The following FARS2 variants were observed in gnomAD, a reference collection of about 807,000 sequenced individuals.
FARS2 encodes the protein phenylalanine--tRNA ligase, mitochondrial.
A neutral mutation model predicts 46.4 loss-of-function variants in FARS2; 40 were observed. That is an observed-to-expected ratio of 0.86 (90% CI 0.67 to 1.12). The LOEUF (loss-of-function observed/expected upper bound fraction) is 1.12. Among genes scored for constraint, FARS2 ranks in the 50% most tolerant of loss-of-function variants. The pLI, the probability that FARS2 is intolerant of heterozygous loss-of-function variation, is 0.00. For missense variants in FARS2, 513 were observed against 567.9 expected (o/e 0.90, Z 0.98); for synonymous variants, 234 against 214.9 (o/e 1.09, Z -0.78).
intron 5 of FARS2, among the ~76,000 whole-genome samples, chr6:5,557,012 A>AC (rs1771701949): frequency 2.6e-5 from 4 of 152,162 alleles, no homozygotes; most frequent in African/African-American, 9.7e-5. Flanking sequence ...TGTACATTTA[A>AC]TAGTTGGTGG....
chr6:5,534,823 G>GCACACA (rs1358767694), intron 4 of FARS2, among the ~76,000 whole-genome samples: 43 of 134,260 alleles, frequency 3.2e-4, no homozygotes, highest in African/African-American at 1.1e-3. Context: ...ACACACACAT[G>GCACACA]CACGCACACA....
At chr6:5,469,165 C>G (rs573949416) in intron 4 of FARS2, among the ~76,000 whole-genome samples, 7 of 152,336 alleles carry the variant, frequency 4.6e-5, no homozygotes, top group African/African-American at 1.7e-4. Context: ...TTCTTGGGAC[C>G]ACTTGGTGGC....
At chr6:5,261,223 C>G (rs995344379), upstream of FARS2, 2 of 153,280 alleles carry the variant, frequency 1.3e-5, no homozygotes, top group Non-Finnish European at 2.9e-5. Context: ...GCGCCCCTTC[C>G]TACATCCAGG....
chr6:5,531,026 G>C (rs1165531195), intron 4 of FARS2, among the ~76,000 whole-genome samples: 1 of 151,876 alleles, frequency 6.6e-6, no homozygotes, highest in Non-Finnish European at 1.5e-5. Flanking sequence ...TCACATGTTA[G>C]CTACTGCAGC....
At chr6:5,507,881 G>A (rs563687034) in intron 4 of FARS2, among the ~76,000 whole-genome samples, 102 of 152,324 alleles carry the variant, frequency 6.7e-4, no homozygotes, top group African/African-American at 2.3e-3. Context: ...AAAACCTGAC[G>A]ATCCAAATGG....
intron 6 of FARS2, among the ~76,000 whole-genome samples, chr6:5,658,881 AT>A (rs942115781): frequency 1.3e-5 from 2 of 152,226 alleles, no homozygotes; most frequent in African/African-American, 4.8e-5. Context: ...ATGTGCTCGT[AT>A]CCAATTTCAA....
intron 6 of FARS2, among the ~76,000 whole-genome samples, chr6:5,753,013 T>TA (rs904717241): frequency 2.0e-5 from 3 of 152,192 alleles, no homozygotes; most frequent in African/African-American, 7.2e-5. Flanking sequence ...TCCTGATTGT[T>TA]ACTGTAAGCG....
chr6:5,487,770 A>G (rs1362408452), intron 4 of FARS2, among the ~76,000 whole-genome samples: 1 of 152,194 alleles, frequency 6.6e-6, no homozygotes, highest in Admixed American at 6.5e-5. Context: ...AGACTGCTCC[A>G]AAGACCTTTG....
At chr6:5,540,372 G>T (rs927871523) in intron 4 of FARS2, among the ~76,000 whole-genome samples, 1 of 152,150 alleles carries the variant, frequency 6.6e-6, no homozygotes, top group Non-Finnish European at 1.5e-5. Context: ...CTGTGAAACT[G>T]GTATTCAGTG....
intron 4 of FARS2, among the ~76,000 whole-genome samples, chr6:5,492,849 TA>T (rs1561660397): frequency 6.6e-6 from 1 of 152,242 alleles, no homozygotes; most frequent in Non-Finnish European, 1.5e-5. Context: ...AGAGTGTATA[TA>T]GCCTTACACT....
rs1259678240 is a variant in FARS2, at chr6:5,765,016, C to A, written c.1218-6275C>A. On this transcript the variant is annotated intron_variant, in intron 6 of 6. Transcript: ENST00000274680. The surrounding 1 kb of genome is among the most constrained non-coding windows in gnomAD (Gnocchi z 4.0). ...AAAGAAAATAATCACTGGGGAGGGA[C>A]CCCTTTTAAACATTTATAGTTTTGA... Among the ~76,000 whole-genome samples, 3 of 152,200 alleles carry A rather than the reference C, an allele frequency of 2.0e-5. No individual in the cohort carries two copies. Among genetic ancestry groups the A allele is most frequent in the Non-Finnish European group, 4.4e-5 (3 of 68,038 alleles).
intron 1 of FARS2, among the ~76,000 whole-genome samples, chr6:5,287,974 G>A (rs982118611): frequency 6.6e-6 from 1 of 152,142 alleles, no homozygotes; most frequent in Non-Finnish European, 1.5e-5. Context: ...TATCTGTCAT[G>A]TTCTCCTGTA....
chr6:5,606,188 G>A (rs1335212189), intron 5 of FARS2, among the ~76,000 whole-genome samples: 1 of 151,870 alleles, frequency 6.6e-6, no homozygotes, highest in Non-Finnish European at 1.5e-5. Flanking sequence ...AGCGCTGTCA[G>A]AGTACTGAGC....
At chr6:5,398,360 A>C (rs1029116016) in intron 2 of FARS2, among the ~76,000 whole-genome samples, 1 of 152,122 alleles carries the variant, frequency 6.6e-6, no homozygotes, top group African/African-American at 2.4e-5. Flanking sequence ...CTTCATGAAT[A>C]TTTGGTTATT....
chr6:5,542,687 G>A (rs1251219976), intron 4 of FARS2, among the ~76,000 whole-genome samples: 1 of 152,084 alleles, frequency 6.6e-6, no homozygotes, highest in South Asian at 2.1e-4. Flanking sequence ...TTGGTTTATT[G>A]TAAAAAACTA....
chr6:5,410,941 G>A (rs1024290627), intron 3 of FARS2, among the ~76,000 whole-genome samples: 8 of 152,168 alleles, frequency 5.3e-5, no homozygotes, highest in African/African-American at 1.9e-4. Flanking sequence ...GAGAAAAAGT[G>A]CCATGTAAAA....
rs189127468 is a variant in FARS2, at chr6:5,322,128, G to A, written c.-21-46422G>A. On this transcript the variant is annotated intron_variant, in intron 1 of 6. Coordinates refer to ENST00000274680, the MANE Select transcript of FARS2 (RefSeq NM_006567.5). ...CAAACACGTGTTTACAATGTGATGA[G>A]GCAGGCAAGCTTTCATCAAATAGTC... is the stretch of plus-strand genomic sequence containing the variant. Among the ~76,000 whole-genome samples, 33 of 152,272 alleles carry A rather than the reference G, an allele frequency of 2.2e-4. No individual in the cohort carries two copies. In the East Asian group the frequency reaches 6.4e-3, roughly 29 times the overall value.
intron 6 of FARS2, among the ~76,000 whole-genome samples, chr6:5,665,660 G>A (rs751757331): frequency 3.9e-5 from 6 of 152,202 alleles, no homozygotes; most frequent in Non-Finnish European, 7.4e-5. Context: ...AGAGAAGGAC[G>A]TTCTAAACAA....
chr6:5,540,954 A>G (rs1282890012), intron 4 of FARS2, among the ~76,000 whole-genome samples: 1 of 152,204 alleles, frequency 6.6e-6, no homozygotes, highest in Non-Finnish European at 1.5e-5. Context: ...TGGTGGGCCC[A>G]GCACCAGGTG....
Sources: gnomAD v4.1 joint callset for allele counts (sites outside exome capture counted in the v4.1 genomes callset) on GRCh38, gnomAD v4.1.1 for gene constraint, Gnocchi (gnomAD v3.1) non-coding constraint, MANE v1.5 for transcripts, NCBI Gene and HGNC (gene_info 2026-07-23, HGNC 2026-07-21) for gene names.